CDK5RAP2: variants seen among roughly 807,000 people sequenced by gnomAD.
The protein encoded by CDK5RAP2 is CDK5 regulatory subunit associated protein 2.
CDK5RAP2 carries 147 observed loss-of-function variants against 232.9 expected under a neutral mutation model. The ratio of observed to expected loss-of-function variants is 0.63; its 90% CI spans 0.55 to 0.72. The LOEUF (loss-of-function observed/expected upper bound fraction) is 0.72, where lower values mean the gene tolerates loss of function less well. CDK5RAP2 is among the 30% of genes least tolerant of loss of function. The pLI is 0.00. For missense variants in CDK5RAP2, 2,195 were observed against 2,231.5 expected, an observed-to-expected ratio of 0.98 and a Z score of 0.33; for synonymous variants, 833 against 833.7, an observed-to-expected ratio of 1.00 and a Z score of 0.01.
chr9:120,474,390 C>A (rs376534792), intron 15 of CDK5RAP2, among the ~76,000 whole-genome samples: 110 of 152,294 alleles, frequency 7.2e-4, no homozygotes, highest in Middle Eastern at 3.4e-3. Flanking sequence ...TTGGTTGTTA[C>A]AACTGCCATG....
chr9:120,576,324 A>C (rs542423128), intron 1 of CDK5RAP2, among the ~76,000 whole-genome samples: 123 of 152,372 alleles, frequency 8.1e-4, no homozygotes, highest in African/African-American at 2.9e-3. Context: ...ATTTGAATAC[A>C]CATTTCTCCA....
chr9:120,415,201 C>A, intron 27 of CDK5RAP2, 42 bp from the exon 28 acceptor site: 1 of 1,606,878 alleles, frequency 6.2e-7, no homozygotes, highest in Non-Finnish European at 8.5e-7. Context: ...TCTGAACCCC[C>A]AACAAATTGA....
At position 120,414,950 on chromosome 9, in the gene CDK5RAP2, C is replaced by G. The variant is rs2034117852; in HGVS notation, c.4297+90G>C. ...GGAAAAATGAACATTTATCAAGCACCTGCTTTGTACACAGATGCTTACTCA... is the reference window on the plus strand; with the variant it reads ...GGAAAAATGAACATTTATCAAGCACGTGCTTTGTACACAGATGCTTACTCA... On this transcript the variant is annotated intron_variant, in intron 28 of 37. Coordinates refer to ENST00000349780, the MANE Select transcript of CDK5RAP2 (RefSeq NM_018249.6). The G allele has an allele frequency of 8.8e-6, 13 of 1,481,842 alleles. No individual in the cohort carries two copies. In the South Asian group the frequency reaches 1.5e-4, roughly 17 times the overall value. 91.8% of individuals were successfully genotyped at this position (1,481,842 alleles called of 1,614,324 possible). A position where few individuals can be genotyped will look rare whatever the true frequency, so the allele number is the denominator to read the frequency against.
At chr9:120,407,320 C>A (rs569343103) in intron 31 of CDK5RAP2, 72 bp from the exon 32 acceptor site, 1 of 1,123,370 alleles carries the variant, frequency 8.9e-7, no homozygotes, top group South Asian at 1.2e-5. Flanking sequence ...GGAACTCAAT[C>A]GCATTTTACA....
intron 12 of CDK5RAP2, among the ~76,000 whole-genome samples, chr9:120,498,745 G>T (rs902420189): frequency 1.9e-4 from 28 of 150,990 alleles, no homozygotes; most frequent in Admixed American, 1.5e-3. Flanking sequence ...ATATCAACGG[G>T]TGTGGTGACT....
rs912546809 is a variant in CDK5RAP2 at position 120,484,924 on chromosome 9, A to T, written c.1626+2370T>A. Among the ~76,000 whole-genome samples the T allele has an allele frequency of 2.7e-5, 4 of 150,506 alleles. No individual in the cohort carries two copies. The East Asian group carries it at 7.8e-4, about 29-fold the overall frequency. ...TTTTTGTAGATACTGGGGTCTCAGT[A>T]TGTTGCTCAGACTGGTCTCCAACTC... On this transcript the variant is annotated intron_variant, in intron 14 of 37. Coordinates refer to ENST00000349780, the MANE Select transcript of CDK5RAP2 (RefSeq NM_018249.6).
At chr9:120,569,807 G>A (rs1318351572) in intron 2 of CDK5RAP2, among the ~76,000 whole-genome samples, 1 of 152,184 alleles carries the variant, frequency 6.6e-6, no homozygotes, top group African/African-American at 2.4e-5. Context: ...AGGGGCTTAG[G>A]AGAGAAACAG....
intron 25 of CDK5RAP2, among the ~76,000 whole-genome samples, chr9:120,427,190 T>C (rs1377107183): frequency 2.6e-5 from 4 of 152,210 alleles, no homozygotes; most frequent in African/African-American, 9.7e-5. Context: ...GGGTGTCCAA[T>C]CTTTTGGCTT....
intron 14 of CDK5RAP2, among the ~76,000 whole-genome samples, chr9:120,478,756 G>C (rs985260492): frequency 2.6e-5 from 4 of 152,112 alleles, no homozygotes; most frequent in Non-Finnish European, 4.4e-5. Flanking sequence ...ACTGAAGCCT[G>C]GGCAACAGAG....
chr9:120,458,716 T>C, intron 19 of CDK5RAP2, 94 bp from the exon 20 acceptor site: 2 of 1,154,652 alleles, frequency 1.7e-6, no homozygotes, highest in Admixed American at 1.7e-5. Context: ...AGTGAGTAAG[T>C]GAAAATAAGC....
chr9:120,549,142 G>A lies in CDK5RAP2; in HGVS notation c.306+1650C>T, dbSNP rs187358264. Among the ~76,000 whole-genome samples the A allele has an allele frequency of 3.2e-3, 423 of 133,118 alleles. 3 individuals carry two copies. The highest frequency in any genetic ancestry group is 4.9e-3 in the Admixed American group (61 of 12,476). The allele number at this position is 133,118 out of a possible 152,430, so 87.3% of individuals were successfully genotyped here. On this transcript the variant is annotated intron_variant, in intron 4 of 37. Coordinates refer to ENST00000349780, the MANE Select transcript of CDK5RAP2 (RefSeq NM_018249.6). Reference sequence around the variant, plus strand: ...CTGCACTCCAGCCTGGGCAACAGACGGAGACTCTGTCTCAAAAAAAAAAAA... The same window carrying A: ...CTGCACTCCAGCCTGGGCAACAGACAGAGACTCTGTCTCAAAAAAAAAAAA...
At chr9:120,575,988 C>A (rs2043018698) in intron 1 of CDK5RAP2, among the ~76,000 whole-genome samples, 1 of 152,148 alleles carries the variant, frequency 6.6e-6, no homozygotes, top group African/African-American at 2.4e-5. Context: ...GACCATGAGC[C>A]ACAGAAGAAA....
At chr9:120,483,243 T>C (rs2131594888) in intron 14 of CDK5RAP2, among the ~76,000 whole-genome samples, 1 of 152,340 alleles carries the variant, frequency 6.6e-6, no homozygotes, top group South Asian at 2.1e-4. Context: ...CTGCCTCACC[T>C]GAGAACTGTC....
intron 21 of CDK5RAP2, among the ~76,000 whole-genome samples, chr9:120,449,013 C>A (rs1199164049): frequency 1.3e-5 from 2 of 152,172 alleles, no homozygotes; most frequent in Non-Finnish European, 1.5e-5. Flanking sequence ...CTCTCTTCTG[C>A]CTAAAACTAT....
intron 27 of CDK5RAP2, among the ~76,000 whole-genome samples, chr9:120,417,690 A>G (rs1340119556): frequency 6.6e-6 from 1 of 152,206 alleles, no homozygotes; most frequent in Non-Finnish European, 1.5e-5. Flanking sequence ...AGGAAACACT[A>G]TACTAGCCTT....
rs1434323949 is a variant in CDK5RAP2 at position 120,527,518 on chromosome 9, G to GA, written c.999+287_999+288insT. On this transcript the variant is annotated intron_variant, in intron 10 of 37. Coordinates refer to ENST00000349780, the MANE Select transcript of CDK5RAP2 (RefSeq NM_018249.6). ...GATGAAATGATTATGTTTTGGGGGG[G>GA]GATATATATATAATTAAAATTAATT... Among the ~76,000 whole-genome samples the GA allele has an allele frequency of 3.3e-3, 44 of 13,396 alleles. No homozygotes were observed. The South Asian group carries it at 0.1, about 31-fold the overall frequency. The allele number at this position is 13,396 out of a possible 152,430, so 8.8% of individuals were successfully genotyped here.
chr9:120,458,309 A>T, intron 20 of CDK5RAP2, 141 bp downstream of exon 20: 4 of 800,868 alleles, frequency 5.0e-6, no homozygotes, highest in South Asian at 4.6e-5. Flanking sequence ...TAATTTCATG[A>T]CTGGCAAGAT....
intron 21 of CDK5RAP2, 125 bp from the exon 22 acceptor site, chr9:120,448,251 A>G: frequency 2.5e-6 from 2 of 787,194 alleles, no homozygotes; most frequent in Non-Finnish European, 4.4e-6. Context: ...TCTCGTTCCC[A>G]TAATGGCAGC....
At chr9:120,524,101 A>G (rs748893409) in intron 11 of CDK5RAP2, among the ~76,000 whole-genome samples, 1 of 152,210 alleles carries the variant, frequency 6.6e-6, no homozygotes, top group Non-Finnish European at 1.5e-5. Context: ...TGTGCAAGCT[A>G]CTAGAAACTT....
Sources: allele counts gnomAD v4.1 joint callset (sites outside exome capture counted in the v4.1 genomes callset), GRCh38; gene constraint gnomAD v4.1.1; transcripts MANE v1.5; gene names NCBI Gene and HGNC (gene_info 2026-07-23, HGNC 2026-07-21).